Variants in CTNNAL1 observed in about 807,000 individuals in gnomAD.
The protein encoded by CTNNAL1 is catenin alpha like 1, also known as alpha-catulin.
In CTNNAL1, 69 loss-of-function variants were observed where a neutral mutation model predicts 93.6. The observed-to-expected ratio is 0.74, with a 90% CI of 0.61 to 0.90. The LOEUF (loss-of-function observed/expected upper bound fraction) is 0.90. Ranked by LOEUF, CTNNAL1 falls within the 40% of genes least tolerant of loss-of-function variation. The probability of loss-of-function intolerance (pLI) is 0.00; values close to 1 mark genes in which losing one functional copy is unlikely to be tolerated. For synonymous variants in CTNNAL1, 286 were observed against 305.4 expected (o/e 0.94, Z 0.66); for missense variants, 836 against 862.0 (o/e 0.97, Z 0.38).
chr9:108,952,165 T>C, intron 14 of CTNNAL1, 44 bp downstream of exon 14: 1 of 1,506,630 alleles, frequency 6.6e-7, no homozygotes. Flanking sequence ...TTACACCAGA[T>C]ATCATTATAC....
chr9:109,007,763 A>G (rs555740422), intron 1 of CTNNAL1, among the ~76,000 whole-genome samples: 1 of 152,342 alleles, frequency 6.6e-6, no homozygotes, highest in East Asian at 1.9e-4. Flanking sequence ...ACCAAGCTTA[A>G]GAGAACAATG....
chr9:109,004,887 A>G (rs964519435), intron 1 of CTNNAL1, among the ~76,000 whole-genome samples: 2 of 152,186 alleles, frequency 1.3e-5, no homozygotes, highest in Non-Finnish European at 2.9e-5. Flanking sequence ...TAAGTGTTCA[A>G]AGACATACTA....
rs1356410457 is a variant in CTNNAL1 at position 108,965,426 on chromosome 9, T to A, written c.1543A>T (p.Met515Leu). The A allele has an allele frequency of 6.3e-7, 1 of 1,594,684 alleles. No individual in the cohort carries two copies. The highest frequency in any genetic ancestry group is 8.5e-7 in the Non-Finnish European group (1 of 1,171,262). Residue 515 changes from methionine to leucine, a missense_variant, in exon 11 of 19, where the codon ATG (methionine) becomes TTG (leucine). Transcript: ENST00000325551. ...CEAWESQISD[M>L]STLLREINDV... The stretch of plus-strand genomic sequence containing the variant: ...TTGATTTCTCTCAGCAGTGTTGACA[T>A]GTCACTAATTTGGGATTCCCAAGCT...
intron 16 of CTNNAL1, 63 bp from the exon 17 acceptor site, chr9:108,943,879 C>T: frequency 1.3e-6 from 2 of 1,598,590 alleles, no homozygotes; most frequent in South Asian, 1.1e-5. Flanking sequence ...ATACCTTAAA[C>T]ACATTTATAC....
intron 11 of CTNNAL1, among the ~76,000 whole-genome samples, chr9:108,964,796 A>G (rs1414073878): frequency 2.0e-5 from 3 of 152,146 alleles, no homozygotes; most frequent in Non-Finnish European, 2.9e-5. Flanking sequence ...TTTCAATAGG[A>G]AAACTAGGAT....
Position 108,943,790 on chromosome 9 carries a change from A to G in CTNNAL1, c.1968T>C (p.Leu656=). 6.2e-7 allele frequency: 1 copy of G among 1,613,680 alleles called. No individual in the cohort carries two copies. Among genetic ancestry groups the G allele is most frequent in the Non-Finnish European group, 8.5e-7 (1 of 1,179,846 alleles). The change falls in exon 17 of 19, where the codon CTT becomes CTC. Residue 656 remains leucine (L), a synonymous_variant. Coordinates refer to ENST00000325551, the MANE Select transcript of CTNNAL1 (RefSeq NM_003798.4). ...KQLKDDDKLM[L]LLEINKLIPL... is the part of the protein sequence containing the mutation. ...GAATTAGCTTGTTTATTTCCAGGAG[A>G]AGCATAAGCTTGTCATCGTCTTTCA...
chr9:108,985,677 C>T (rs1312235122), intron 4 of CTNNAL1, among the ~76,000 whole-genome samples: 1 of 152,164 alleles, frequency 6.6e-6, no homozygotes, highest in African/African-American at 2.4e-5. Flanking sequence ...ATCATGGGTA[C>T]CTATCAGATA....
Position 108,999,234 on chromosome 9 carries a change from TTA to T in CTNNAL1, c.162_163del (p.His54GlnfsTer3), listed in dbSNP as rs1187261862. On this transcript the variant is annotated frameshift_variant, in exon 2 of 19. Coordinates refer to ENST00000325551, the MANE Select transcript of CTNNAL1 (RefSeq NM_003798.4). LOFTEE classifies it high-confidence loss of function. ...TTTATCAGACTTTTTGGTATTATCTTTATGATTAATAAGCGTGGTGATCTAAA... is the reference window on the plus strand; with the variant it reads ...TTTATCAGACTTTTTGGTATTATCTTTGATTAATAAGCGTGGTGATCTAAA... 1 of 1,601,058 alleles carries T rather than the reference TTA, an allele frequency of 6.2e-7. No homozygotes were observed. Among genetic ancestry groups the T allele is most frequent in the Non-Finnish European group, 8.5e-7 (1 of 1,175,658 alleles).
Position 108,991,923 on chromosome 9 carries a change from C to T in CTNNAL1, c.519+709G>A. The T allele has an allele frequency of 4.7e-6, 3 of 642,026 alleles. No homozygotes were observed. In the South Asian group the frequency reaches 5.1e-5, roughly 11 times the overall value. 39.8% of individuals were successfully genotyped at this position (642,026 alleles called of 1,614,324 possible). ...TGACCATCATCTGAGAGATTAACTT[C>T]TGGACTGGAAGAGTTTAAATCTGTT... On this transcript the variant is annotated intron_variant, in intron 3 of 18. Transcript: ENST00000325551.
rs372505358 is a variant in CTNNAL1, at chr9:108,984,457, C to A, written c.640-21G>T. The A allele has an allele frequency of 5.6e-6, 8 of 1,429,546 alleles. No individual in the cohort carries two copies. In the African/African-American group the frequency reaches 7.1e-5, roughly 13 times the overall value. The allele number at this position is 1,429,546 out of a possible 1,614,324, so 88.6% of individuals were successfully genotyped here. On this transcript the variant is annotated intron_variant, in intron 4 of 18. Coordinates refer to ENST00000325551, the MANE Select transcript of CTNNAL1 (RefSeq NM_003798.4). ...AAATCCTAAATATGAAATAAAATCA[C>A]GGAGGAGTCTAAGACCATGTGAACA...
Position 108,942,731 on chromosome 9 carries a change from A to G in CTNNAL1, c.*38T>C. ...TTTGATTTTTAAAAATGTCAGCTTC[A>G]TCACATGATGTTCCAGAGATCTGAC... On this transcript the variant is annotated 3_prime_UTR_variant, in exon 19 of 19. Transcript: ENST00000325551. The G allele has an allele frequency of 1.6e-6, 2 of 1,253,756 alleles. No individual in the cohort carries two copies. Among genetic ancestry groups the G allele is most frequent in the Non-Finnish European group, 2.3e-6 (2 of 868,384 alleles). 77.7% of individuals were successfully genotyped at this position (1,253,756 alleles called of 1,614,324 possible).
At chr9:108,984,850 A>G (rs943548052) in intron 4 of CTNNAL1, among the ~76,000 whole-genome samples, 1 of 152,246 alleles carries the variant, frequency 6.6e-6, no homozygotes, top group Non-Finnish European at 1.5e-5. Flanking sequence ...CAGACACTTA[A>G]AAGTCGATTC....
chr9:108,993,048 A>G (rs1305075917), intron 2 of CTNNAL1, among the ~76,000 whole-genome samples: 1 of 152,250 alleles, frequency 6.6e-6, no homozygotes, highest in Non-Finnish European at 1.5e-5. Context: ...GCCCTCACCC[A>G]GTTTGAAAAA....
In CTNNAL1 at chr9:108,972,823, G is replaced by A. The variant is rs1463209273; in HGVS notation, c.1199C>T (p.Thr400Ile). 8.0e-7 allele frequency: 1 copy of A among 1,248,232 alleles called. No homozygotes were observed. The highest frequency in any genetic ancestry group is 1.9e-5 in the African/African-American group (1 of 52,690). The allele number at this position is 1,248,232 out of a possible 1,614,324, so 77.3% of individuals were successfully genotyped here. A position where few individuals can be genotyped will look rare whatever the true frequency, so the allele number is the denominator to read the frequency against. The change falls in exon 9 of 19, where the codon ACA becomes ATA. Residue 400 changes from threonine (T) to isoleucine (I), a missense_variant. Physicochemically the swap from Thr to Ile is moderately conservative, Grantham distance 89. Transcript: ENST00000325551. ...LNELKKELHS[T>I]ATQLAADLLK... ...TAGATCTGCTGCCAGCTGTGTCGCT[G>A]TACTATGAAGCTGCAGATGTGTGTG...
chr9:109,001,172 CAA>C lies in CTNNAL1; in HGVS notation c.142-1918_142-1917del, dbSNP rs757020475. On this transcript the variant is annotated intron_variant, in intron 1 of 18. Transcript: ENST00000325551. ...GGGTGACAGTATGAGACTCCATCTC[CAA>C]AAAAAAAAAAAAAAAAAAAGAACTT... 5.5e-4 allele frequency among the ~76,000 whole-genome samples: 31 copies of C among 56,782 alleles called. No individual in the cohort carries two copies. The East Asian group carries it at 7.0e-3, about 13-fold the overall frequency. 37.3% of individuals were successfully genotyped at this position (56,782 alleles called of 152,430 possible).
At chr9:108,971,771 T>C (rs991352669) in intron 9 of CTNNAL1, among the ~76,000 whole-genome samples, 2 of 152,224 alleles carry the variant, frequency 1.3e-5, no homozygotes, top group Non-Finnish European at 2.9e-5. Flanking sequence ...TTGGGTTTTT[T>C]TTCTAGTAGA....
Position 108,984,397 on chromosome 9 carries a change from C to A in CTNNAL1, c.679G>T (p.Ala227Ser). The A allele has an allele frequency of 6.2e-7, 1 of 1,612,534 alleles. No individual in the cohort carries two copies. Among genetic ancestry groups the A allele is most frequent in the Non-Finnish European group, 8.5e-7 (1 of 1,178,730 alleles). The change falls in exon 5 of 19, where the codon GCT becomes TCT. Residue 227 changes from alanine (A) to serine (S), a missense_variant. Transcript: ENST00000325551. ...GTACACTTTTCAAGAACTGCCCTAG[C>A]TGCTGCCATTTTTGCCTTTTTCTTT... ...DEKKKAKMAA[A>S]RAVLEKCTMM... is the part of the protein sequence containing the mutation.
intron 4 of CTNNAL1, among the ~76,000 whole-genome samples, chr9:108,989,829 C>G (rs1362111974): frequency 6.6e-6 from 1 of 152,142 alleles, no homozygotes; most frequent in African/African-American, 2.4e-5. Context: ...GCGGGCGGAT[C>G]ACCTGAGATT....
In CTNNAL1 at chr9:108,953,244, G is replaced by A. The variant is rs572145531; in HGVS notation, c.1630-750C>T. 2.0e-5 allele frequency among the ~76,000 whole-genome samples: 3 copies of A among 152,252 alleles called. No homozygotes were observed. The South Asian group carries it at 6.2e-4, about 32-fold the overall frequency. On this transcript the variant is annotated intron_variant, in intron 12 of 18. Coordinates refer to ENST00000325551, the MANE Select transcript of CTNNAL1 (RefSeq NM_003798.4). Reference sequence around the variant, plus strand: ...CTGATGCCTGTATACTTGAAGAATAGAGTACCAGGACAAATCACACCACCA... The same window carrying A: ...CTGATGCCTGTATACTTGAAGAATAAAGTACCAGGACAAATCACACCACCA...
Sources: gnomAD v4.1 joint callset for allele counts (sites outside exome capture counted in the v4.1 genomes callset) on GRCh38, gnomAD v4.1.1 for gene constraint, MANE v1.5 for transcripts, NCBI Gene and HGNC (gene_info 2026-07-23, HGNC 2026-07-21) for gene names.